The following CAMTA1 variants were observed in gnomAD, a reference collection of about 807,000 sequenced individuals.
The protein encoded by CAMTA1 is calmodulin-binding transcription activator 1.
In CAMTA1, 27 loss-of-function variants were observed where a neutral mutation model predicts 170.9. That is an observed-to-expected ratio of 0.16 (90% CI 0.12 to 0.22). CAMTA1 has a LOEUF of 0.22. Ranked by LOEUF, CAMTA1 falls within the 10% of genes least tolerant of loss-of-function variation. The probability of loss-of-function intolerance (pLI) is 1.00; values close to 1 mark genes in which losing one functional copy is unlikely to be tolerated. For synonymous variants in CAMTA1, 833 were observed against 891.5 expected (o/e 0.93, Z 1.17); for missense variants, 1,619 against 2,217.2 (o/e 0.73, Z 5.42).
At chr1:7,655,102 CTA>C (rs1429295988) in intron 7 of CAMTA1, among the ~76,000 whole-genome samples, 1 of 39,008 alleles carries the variant, frequency 2.6e-5, no homozygotes, top group African/African-American at 2.5e-4. Context: ...ACACACACAC[CTA>C]TACACACACC....
At chr1:7,579,919 C>T (rs1458639333) in intron 6 of CAMTA1, among the ~76,000 whole-genome samples, 4 of 152,228 alleles carry the variant, frequency 2.6e-5, no homozygotes, top group Admixed American at 1.3e-4. Context: ...CCTTCTCCTG[C>T]GTCACTGGGA....
At chr1:6,788,157 G>A (rs1449963572) in intron 1 of CAMTA1, among the ~76,000 whole-genome samples, 1 of 150,384 alleles carries the variant, frequency 6.6e-6, no homozygotes. Context: ...GCCTCCTCAG[G>A]TCTCCCTCCC....
At chr1:6,876,785 T>C (rs1670027463) in intron 3 of CAMTA1, among the ~76,000 whole-genome samples, 1 of 152,238 alleles carries the variant, frequency 6.6e-6, no homozygotes, top group South Asian at 2.1e-4. Flanking sequence ...GTGGTTTATC[T>C]TGAAGATCTT....
At chr1:7,627,478 T>C (rs2095641104) in intron 6 of CAMTA1, among the ~76,000 whole-genome samples, 1 of 152,234 alleles carries the variant, frequency 6.6e-6, no homozygotes, top group South Asian at 2.1e-4. Context: ...AGGTTTCCCA[T>C]GCCTCGGGCA....
At chr1:7,601,491 A>G (rs2095442308) in intron 6 of CAMTA1, among the ~76,000 whole-genome samples, 1 of 147,298 alleles carries the variant, frequency 6.8e-6, no homozygotes, top group Non-Finnish European at 1.5e-5. Flanking sequence ...CTCACATCCC[A>G]GACGATGGGC....
Position 6,878,139 on chromosome 1 carries a change from T to C in CAMTA1, c.234+52929T>C, listed in dbSNP as rs566630299. On this transcript the variant is annotated intron_variant, in intron 3 of 22. Transcript: ENST00000303635. ...AAACCAAACAGCCGTGGCTTTTCGA[T>C]CTTGCAAACATGCAAAGCTGAGAGT... Among the ~76,000 whole-genome samples, 28 of 152,354 alleles carry C rather than the reference T, an allele frequency of 1.8e-4. No homozygotes were observed. The South Asian group carries it at 5.4e-3, about 29-fold the overall frequency.
intron 4 of CAMTA1, among the ~76,000 whole-genome samples, chr1:7,103,585 TAC>T (rs1573055884): frequency 7.7e-6 from 1 of 130,166 alleles, no homozygotes; most frequent in African/African-American, 3.0e-5. Flanking sequence ...TACACACATG[TAC>T]ACACAACACA....
Position 6,785,948 on chromosome 1 carries a change from C to T in CAMTA1, c.45+373C>T, listed in dbSNP as rs1174402754. Among the ~76,000 whole-genome samples the T allele has an allele frequency of 3.3e-5, 5 of 149,444 alleles. No individual in the cohort carries two copies. The East Asian group carries it at 1.0e-3, about 30-fold the overall frequency. On this transcript the variant is annotated intron_variant, in intron 1 of 22. Coordinates refer to ENST00000303635, the MANE Select transcript of CAMTA1 (RefSeq NM_015215.4). ...GCTCCCGAGCCCGCTGCGCGGCCCC[C>T]GCACCCCCGGCGCTGGGTCCACGGT...
chr1:7,356,356 C>T (rs576854490), intron 5 of CAMTA1, among the ~76,000 whole-genome samples: 32 of 152,260 alleles, frequency 2.1e-4, no homozygotes, highest in Non-Finnish European at 4.1e-4. Context: ...CTGTCACACG[C>T]TGCAGGATCT....
At chr1:7,605,097 AG>A (rs1396244313) in intron 6 of CAMTA1, among the ~76,000 whole-genome samples, 1 of 152,118 alleles carries the variant, frequency 6.6e-6, no homozygotes, top group Non-Finnish European at 1.5e-5. Context: ...TACCCCTACT[AG>A]GGGGTGCCTC....
At chr1:7,617,408 C>T (rs931117476) in intron 6 of CAMTA1, among the ~76,000 whole-genome samples, 9 of 152,202 alleles carry the variant, frequency 5.9e-5, no homozygotes, top group Non-Finnish European at 1.3e-4. Context: ...ATAGACAACC[C>T]TCTGCCTGAA....
intron 5 of CAMTA1, among the ~76,000 whole-genome samples, chr1:7,367,519 G>C (rs2086067090): frequency 6.6e-6 from 1 of 152,238 alleles, no homozygotes; most frequent in African/African-American, 2.4e-5. Context: ...TGTATCCTTG[G>C]CCAGCACCTG....
intron 10 of CAMTA1, among the ~76,000 whole-genome samples, chr1:7,676,903 C>T (rs933122894): frequency 6.6e-5 from 10 of 152,216 alleles, no homozygotes; most frequent in African/African-American, 2.4e-4. Flanking sequence ...CTCGTTTATT[C>T]CACAAATAGA....
intron 11 of CAMTA1, among the ~76,000 whole-genome samples, chr1:7,721,090 G>A (rs2096646729): frequency 6.6e-6 from 1 of 152,200 alleles, no homozygotes; most frequent in African/African-American, 2.4e-5. Flanking sequence ...CTTTCTGAAT[G>A]GTGCTAGGGA....
chr1:6,794,349 G>A (rs1641925907), intron 1 of CAMTA1, among the ~76,000 whole-genome samples: 1 of 152,190 alleles, frequency 6.6e-6, no homozygotes, highest in Non-Finnish European at 1.5e-5. Context: ...CAAGGGGGTA[G>A]TGATGTTCTT....
At chr1:7,451,144 A>C (rs760846646) in intron 5 of CAMTA1, among the ~76,000 whole-genome samples, 1 of 152,228 alleles carries the variant, frequency 6.6e-6, no homozygotes, top group African/African-American at 2.4e-5. Flanking sequence ...GTCCCATTAA[A>C]GCACTGAGCC....
chr1:7,508,066 C>T (rs1033015663), intron 6 of CAMTA1, among the ~76,000 whole-genome samples: 1 of 152,258 alleles, frequency 6.6e-6, no homozygotes, highest in Admixed American at 6.5e-5. Context: ...GAAGCCCTCG[C>T]TTATGATCTC....
intron 3 of CAMTA1, among the ~76,000 whole-genome samples, chr1:6,943,181 C>T (rs1198323342): frequency 2.6e-5 from 4 of 151,968 alleles, no homozygotes; most frequent in African/African-American, 9.7e-5. Context: ...CTCCCCTCCT[C>T]CCCTCCGTCC....
At chr1:6,900,442 A>G (rs1044042839) in intron 3 of CAMTA1, among the ~76,000 whole-genome samples, 1 of 151,636 alleles carries the variant, frequency 6.6e-6, no homozygotes, top group Non-Finnish European at 1.5e-5. Flanking sequence ...GACACTTTCT[A>G]ATAATTGAAA....
Sources: gnomAD v4.1 joint callset for allele counts (sites outside exome capture counted in the v4.1 genomes callset) on GRCh38, gnomAD v4.1.1 for gene constraint, MANE v1.5 for transcripts, NCBI Gene and HGNC (gene_info 2026-07-23, HGNC 2026-07-21) for gene names.